Variants in PLAC1 observed in about 807,000 individuals in gnomAD.
PLAC1 encodes the protein placenta-specific protein 1.
For missense variants in PLAC1, 136 were observed against 163.2 expected, an observed-to-expected ratio of 0.83 and a Z score of 0.91; for synonymous variants, 68 against 62.1, an observed-to-expected ratio of 1.09 and a Z score of -0.44.
chrX:134,729,016 G>C (rs1352321060), intron 2 of PLAC1, among the ~76,000 whole-genome samples: 1 of 111,393 alleles, frequency 9.0e-6, no homozygotes, highest in Non-Finnish European at 1.9e-5. Flanking sequence ...AGGAAGAGCC[G>C]TGGGCCTCTC....
chrX:134,659,054 G>A (rs2078405633), upstream of PLAC1, among the ~76,000 whole-genome samples: 1 of 110,430 alleles, frequency 9.1e-6, no homozygotes, highest in African/African-American at 3.3e-5. Flanking sequence ...TGGCCTCTTG[G>A]GGGGCTGTGG....
intron 2 of PLAC1, among the ~76,000 whole-genome samples, chrX:134,669,961 C>T (rs1201859529): frequency 1.8e-5 from 2 of 111,901 alleles, no homozygotes; most frequent in Non-Finnish European, 3.8e-5. Flanking sequence ...CAGGAAATGC[C>T]GAGGTGATGA....
chrX:134,704,905 A>T (rs984260833), intron 2 of PLAC1, among the ~76,000 whole-genome samples: 2 of 101,021 alleles, frequency 2.0e-5, no homozygotes, highest in African/African-American at 7.3e-5. Flanking sequence ...AGGCAGGAGA[A>T]TTGCTTGAAC....
rs144647974 is a variant in PLAC1, at chrX:134,596,348, T to C, written c.-59+5703A>G. Among the ~76,000 whole-genome samples the C allele has an allele frequency of 2.0e-4, 23 of 112,297 alleles. No individual in the cohort carries two copies. In the East Asian group the frequency reaches 5.9e-3, roughly 29 times the overall value. On this transcript the variant is annotated intron_variant, in intron 2 of 2. Coordinates refer to ENST00000359237, the MANE Select transcript of PLAC1 (RefSeq NM_021796.4). ...GATTTATTTTATCATTGCTGTTCTG[T>C]TTAGATAACTTCCTTTAGCTATTAT...
At chrX:134,752,054 G>A (rs1221617044) in intron 1 of PLAC1, among the ~76,000 whole-genome samples, 1 of 112,048 alleles carries the variant, frequency 8.9e-6, no homozygotes, top group Non-Finnish European at 1.9e-5. Flanking sequence ...ACATTGTGAG[G>A]AGATTTCTGG....
chrX:134,661,762 T>C (rs1171903078), upstream of PLAC1, among the ~76,000 whole-genome samples: 2 of 111,688 alleles, frequency 1.8e-5, no homozygotes, highest in Non-Finnish European at 3.8e-5. Flanking sequence ...TGGACCAAAT[T>C]GAGTGAAGAT....
intron 1 of PLAC1, among the ~76,000 whole-genome samples, chrX:134,761,171 G>GTGTAAA (rs2078768914): frequency 9.4e-6 from 1 of 106,676 alleles, no homozygotes; most frequent in African/African-American, 3.8e-5. Flanking sequence ...GCTGCCATTT[G>GTGTAAA]TGTAAAATTT....
At position 134,566,210 on chromosome X, in the gene PLAC1, C is replaced by T; in HGVS notation, c.473G>A (p.Arg158Lys). Residue 158 changes from arginine to lysine, a missense_variant, in exon 3 of 3, where the codon AGG (arginine) becomes AAG (lysine). Coordinates refer to ENST00000359237, the MANE Select transcript of PLAC1 (RefSeq NM_021796.4). ...EVFSLSQSSQRPNCDCPPCVF... is the reference protein window; with the variant it reads ...EVFSLSQSSQKPNCDCPPCVF... ...ACAAGGTGGACAATCGCAGTTGGGC[C>T]TTTGACTGGACTGTGACAAGCTGAA... 8.3e-7 allele frequency: 1 copy of T among 1,211,713 alleles called. No individual in the cohort carries two copies. Among genetic ancestry groups the T allele is most frequent in the Non-Finnish European group, 1.1e-6 (1 of 895,491 alleles).
intron 2 of PLAC1, among the ~76,000 whole-genome samples, chrX:134,692,888 A>G (rs1327561338): frequency 1.8e-5 from 2 of 111,932 alleles, no homozygotes; most frequent in African/African-American, 6.5e-5. Context: ...ATTAGGGGGA[A>G]GGGGAGCAAT....
chrX:134,708,050 G>T (rs2078612646), intron 2 of PLAC1, among the ~76,000 whole-genome samples: 2 of 111,647 alleles, frequency 1.8e-5, no homozygotes, highest in South Asian at 7.5e-4. Flanking sequence ...AGGAAGGCAA[G>T]AAAATGAAAA....
intron 2 of PLAC1, among the ~76,000 whole-genome samples, chrX:134,716,909 C>T (rs2078644997): frequency 1.8e-5 from 2 of 112,286 alleles, no homozygotes; most frequent in Admixed American, 1.9e-4. Context: ...AATAATAGTA[C>T]ATAACAAGAC....
chrX:134,699,305 T>C (rs1313506467), intron 2 of PLAC1, among the ~76,000 whole-genome samples: 3 of 111,382 alleles, frequency 2.7e-5, no homozygotes, highest in Admixed American at 9.5e-5. Context: ...AGGGAGTTTG[T>C]CCCTTATTGC....
chrX:134,585,810 C>G (rs1380909892), intron 2 of PLAC1, among the ~76,000 whole-genome samples: 1 of 111,147 alleles, frequency 9.0e-6, no homozygotes, highest in Non-Finnish European at 1.9e-5. Context: ...AATTCTCCCT[C>G]TCGGTATAGG....
chrX:134,745,221 T>C (rs770451725), intron 1 of PLAC1, among the ~76,000 whole-genome samples: 35 of 111,742 alleles, frequency 3.1e-4, no homozygotes, highest in South Asian at 3.8e-4. Flanking sequence ...TGACAACATA[T>C]GGAGTGAGAG....
intron 2 of PLAC1, among the ~76,000 whole-genome samples, chrX:134,675,020 T>C (rs1258470920): frequency 1.8e-5 from 2 of 112,249 alleles, no homozygotes; most frequent in African/African-American, 3.2e-5. Flanking sequence ...GGACCTCAGT[T>C]GTCCTAATCA....
At chrX:134,626,523 T>C (rs1293716694) in intron 1 of PLAC1, among the ~76,000 whole-genome samples, 1 of 112,430 alleles carries the variant, frequency 8.9e-6, no homozygotes, top group Non-Finnish European at 1.9e-5. Context: ...TGGATTCTGT[T>C]GTAACCCATC....
At chrX:134,730,254 C>G (rs1490483975) in intron 2 of PLAC1, among the ~76,000 whole-genome samples, 1 of 111,791 alleles carries the variant, frequency 8.9e-6, no homozygotes, top group African/African-American at 3.3e-5. Flanking sequence ...AGAGGGCCAG[C>G]CTTTGTCAAG....
chrX:134,600,851 G>C (rs2078085291), intron 2 of PLAC1: 1 of 110,958 alleles, frequency 9.0e-6, no homozygotes, highest in African/African-American at 3.3e-5. Context: ...CCACAACGTA[G>C]GGATAATTAT....
intron 2 of PLAC1, among the ~76,000 whole-genome samples, chrX:134,689,812 A>G (rs1235553194): frequency 1.8e-5 from 2 of 112,215 alleles, no homozygotes; most frequent in Admixed American, 1.9e-4. Context: ...TACTTTTACC[A>G]ACTTTAAACT....
Sources: gnomAD v4.1 joint callset for allele counts (sites outside exome capture counted in the v4.1 genomes callset) on GRCh38, gnomAD v4.1.1 for gene constraint, MANE v1.5 for transcripts, NCBI Gene and HGNC (gene_info 2026-07-23, HGNC 2026-07-21) for gene names.